ABCA3: variants seen among roughly 807,000 people sequenced by gnomAD.
ABCA3 encodes ATP binding cassette subfamily A member 3.
ABCA3 carries 88 observed loss-of-function variants against 172.8 expected under a neutral mutation model. That is an observed-to-expected ratio of 0.51 (90% CI 0.43 to 0.61). ABCA3 has a LOEUF of 0.61. ABCA3 is among the 20% of genes least tolerant of loss of function. The probability of loss-of-function intolerance (pLI) is 0.00; values close to 1 mark genes in which losing one functional copy is unlikely to be tolerated. For synonymous variants in ABCA3, 1,066 were observed against 983.8 expected (o/e 1.08, Z -1.56); for missense variants, 2,164 against 2,301.0 (o/e 0.94, Z 1.22).
rs756227718 is a variant in ABCA3, at chr16:2,304,175, C to T, written c.1286-25G>A. On this transcript the variant is annotated intron_variant, in intron 11 of 32. Transcript: ENST00000301732. ...CCTGGAAGACACATCAGGAAAGTGGCCCGAAAGCCAGCAGGCTGGGGGGCC... is the reference window on the plus strand; with the variant it reads ...CCTGGAAGACACATCAGGAAAGTGGTCCGAAAGCCAGCAGGCTGGGGGGCC... The T allele has an allele frequency of 8.7e-6, 14 of 1,613,840 alleles. No individual in the cohort carries two copies. The African/African-American group carries it at 1.7e-4, about 20-fold the overall frequency.
At position 2,279,638 on chromosome 16, in the gene ABCA3, C is replaced by T. The variant is rs1304985365; in HGVS notation, c.4360-508G>A. Among the ~76,000 whole-genome samples, 1 of 152,214 alleles carries T rather than the reference C, an allele frequency of 6.6e-6. No individual in the cohort carries two copies. Among genetic ancestry groups the T allele is most frequent in the Non-Finnish European group, 1.5e-5 (1 of 68,038 alleles). ...GTGCCTGCTGCCATCTGCTTAGCTA[C>T]CTTCAGCAGCTGGTCGGGGGCAGGA... is the stretch of plus-strand genomic sequence containing the variant. On this transcript the variant is annotated intron_variant, in intron 28 of 32. Transcript: ENST00000301732. This position sits in a 1 kb window ranked among gnomAD's most constrained non-coding sequence, Gnocchi z 4.4.
At chr16:2,332,172 G>A in intron 1 of ABCA3, 1 of 344,480 alleles carries the variant, frequency 2.9e-6, no homozygotes. Flanking sequence ...AACAAGCGCT[G>A]TGGCTCTTCA....
At chr16:2,323,465 T>A in intron 7 of ABCA3, 58 bp downstream of exon 7, 1 of 1,607,344 alleles carries the variant, frequency 6.2e-7, no homozygotes, top group Non-Finnish European at 8.5e-7. Flanking sequence ...TGCCCCCATA[T>A]GACTGTCACT....
chr16:2,282,172 G>A (rs1016909155), intron 26 of ABCA3, among the ~76,000 whole-genome samples: 4 of 152,160 alleles, frequency 2.6e-5, no homozygotes, highest in Admixed American at 2.6e-4. Flanking sequence ...GTAATCATAG[G>A]TCACTGCAGC....
At chr16:2,304,213 G>T in intron 11 of ABCA3, 63 bp from the exon 12 acceptor site, 1 of 1,572,938 alleles carries the variant, frequency 6.4e-7, no homozygotes, top group South Asian at 1.1e-5. Flanking sequence ...GGGACCCGAA[G>T]CCCCTGATGG....
At chr16:2,298,586 C>T (rs777882486) in intron 14 of ABCA3, 46 bp from the exon 15 acceptor site, 71 of 1,605,314 alleles carry the variant, frequency 4.4e-5, no homozygotes, top group Non-Finnish European at 3.6e-5. Context: ...AGATCCTGCT[C>T]GTCAGCACCC....
chr16:2,327,907 G>C (rs1347688683), intron 3 of ABCA3, among the ~76,000 whole-genome samples: 1 of 152,094 alleles, frequency 6.6e-6, no homozygotes, highest in Non-Finnish European at 1.5e-5. Context: ...TTTTAGTAGA[G>C]ATGGGGTTTC....
At position 2,278,554 on chromosome 16, in the gene ABCA3, A is replaced by G. The variant is rs1432730514; in HGVS notation, c.4548-96T>C. 9 of 1,483,690 alleles carry G rather than the reference A, an allele frequency of 6.1e-6. No homozygotes were observed. The highest frequency in any genetic ancestry group is 8.3e-6 in the Non-Finnish European group (9 of 1,084,006). 91.9% of individuals were successfully genotyped at this position (1,483,690 alleles called of 1,614,324 possible). On this transcript the variant is annotated intron_variant, in intron 29 of 32. Coordinates refer to ENST00000301732, the MANE Select transcript of ABCA3 (RefSeq NM_001089.3). The surrounding 1 kb of genome is among the most constrained non-coding windows in gnomAD (Gnocchi z 4.4). ...GGCCCGTGTCCCAGCAGCGGCCCAC[A>G]CCCAGCAATTGCAGAACAGCCCTAG...
rs1379116228 is a variant in ABCA3 at position 2,281,672 on chromosome 16, T to C, written c.4036-163A>G. Among the ~76,000 whole-genome samples, 1 of 152,020 alleles carries C rather than the reference T, an allele frequency of 6.6e-6. No individual in the cohort carries two copies. The highest frequency in any genetic ancestry group is 2.4e-5 in the African/African-American group (1 of 41,378). Reference sequence around the variant, plus strand: ...CACAGGTGCGACTCAGACCTTTTACTAGAAGACACAGTGGTCTTACGGGGC... The same window carrying C: ...CACAGGTGCGACTCAGACCTTTTACCAGAAGACACAGTGGTCTTACGGGGC... On this transcript the variant is annotated intron_variant, in intron 26 of 32. Coordinates refer to ENST00000301732, the MANE Select transcript of ABCA3 (RefSeq NM_001089.3). The surrounding 1 kb of genome is among the most constrained non-coding windows in gnomAD (Gnocchi z 4.7).
chr16:2,306,745 G>A (rs1203074066), intron 11 of ABCA3, among the ~76,000 whole-genome samples: 1 of 152,160 alleles, frequency 6.6e-6, no homozygotes, highest in Non-Finnish European at 1.5e-5. Flanking sequence ...AAAAAAGTGG[G>A]CGGCTCACGC....
intron 9 of ABCA3, 45 bp downstream of exon 9, chr16:2,317,603 T>G: frequency 6.2e-7 from 1 of 1,607,344 alleles, no homozygotes; most frequent in Non-Finnish European, 8.5e-7. Context: ...TGGGGTGCCC[T>G]GGCTCTCCCC....
Position 2,323,608 on chromosome 16 carries a change from T to C in ABCA3, c.528A>G (p.Thr176=). The C allele has an allele frequency of 6.2e-7, 1 of 1,614,192 alleles. No individual in the cohort carries two copies. Among genetic ancestry groups the C allele is most frequent in the South Asian group, 1.1e-5 (1 of 91,082 alleles). Residue 176 remains threonine, a synonymous_variant, in exon 7 of 33, where the codon ACA becomes ACG. Coordinates refer to ENST00000301732, the MANE Select transcript of ABCA3 (RefSeq NM_001089.3). ...TQTGSFFLKE[T]EGWHTTSLFP... ...AAAGGGAAGTAGTGTGCCAGCCTTC[T>C]GTCTCTTTCAGGAAAAAGGAGCCTG...
intron 17 of ABCA3, among the ~76,000 whole-genome samples, chr16:2,296,953 C>T (rs990388103): frequency 9.2e-5 from 14 of 152,332 alleles, no homozygotes; most frequent in African/African-American, 3.1e-4. Flanking sequence ...AGTCAGAGGT[C>T]TGGGCCCAGA....
chr16:2,298,782 A>G (rs995972866), intron 14 of ABCA3, among the ~76,000 whole-genome samples: 11 of 152,006 alleles, frequency 7.2e-5, no homozygotes, highest in South Asian at 2.1e-4. Context: ...AACCCACGAC[A>G]CACACACACA....
intron 10 of ABCA3, among the ~76,000 whole-genome samples, chr16:2,315,666 A>AT (rs756999685): frequency 1.3e-5 from 2 of 151,356 alleles, no homozygotes; most frequent in Middle Eastern, 3.2e-3. Context: ...ACTGCTTATG[A>AT]TTTTTTTTCT....
At position 2,276,516 on chromosome 16, in the gene ABCA3, A is replaced by G; in HGVS notation, c.*158T>C. On this transcript the variant is annotated 3_prime_UTR_variant, in exon 33 of 33. Coordinates refer to ENST00000301732, the MANE Select transcript of ABCA3 (RefSeq NM_001089.3). ...ATCCTGGGCATGAGGGCTGGGCTGC[A>G]CTCGTCCATTCTGTGCATACTGCCT... 2.4e-6 allele frequency: 3 copies of G among 1,228,790 alleles called. No individual in the cohort carries two copies. Among genetic ancestry groups the G allele is most frequent in the Non-Finnish European group, 3.4e-6 (3 of 882,810 alleles). The allele number at this position is 1,228,790 out of a possible 1,614,324, so 76.1% of individuals were successfully genotyped here.
chr16:2,277,637 A>G lies in ABCA3; in HGVS notation c.4943T>C (p.Val1648Ala). 6.2e-7 allele frequency: 1 copy of G among 1,613,110 alleles called. No homozygotes were observed. The highest frequency in any genetic ancestry group is 8.5e-7 in the Non-Finnish European group (1 of 1,180,006). ...SVLEDEHQGM[V>A]HYHLPGRDLS... ...GTCACGGCCCGGCAGGTGGTAATGG[A>G]CCATGCCTTGGTGCTCATCTTCCAG... Residue 1648 changes from valine to alanine, a missense_variant, in exon 32 of 33, where the codon GTC becomes GCC. Physicochemically the swap from Val to Ala is moderately conservative, Grantham distance 64. Coordinates refer to ENST00000301732, the MANE Select transcript of ABCA3 (RefSeq NM_001089.3). This position sits in a 1 kb window ranked among gnomAD's most constrained non-coding sequence, Gnocchi z 5.3.
chr16:2,308,487 T>G lies in ABCA3; in HGVS notation c.1248A>C (p.Ala416=), dbSNP rs545502913. 3 of 1,614,222 alleles carry G rather than the reference T, an allele frequency of 1.9e-6. No individual in the cohort carries two copies. The East Asian group carries it at 6.7e-5, about 36-fold the overall frequency. Residue 416 remains alanine (A), a synonymous_variant, in exon 11 of 33, where the codon GCA becomes GCC. Coordinates refer to ENST00000301732, the MANE Select transcript of ABCA3 (RefSeq NM_001089.3). ...CSCLLSNVAM[A]MGAQLIGKFE... ...ATTTCCCAATGAGCTGGGCTCCCAT[T>G]GCCATGGCGACATTAGACAGGAGGC...
intron 5 of ABCA3, among the ~76,000 whole-genome samples, chr16:2,325,349 G>C (rs2093732596): frequency 6.6e-6 from 1 of 152,096 alleles, no homozygotes; most frequent in Non-Finnish European, 1.5e-5. Context: ...TACTGCTAAG[G>C]CTGCTGCACC....
Sources: gnomAD v4.1 joint callset for allele counts (sites outside exome capture counted in the v4.1 genomes callset) on GRCh38, gnomAD v4.1.1 for gene constraint, Gnocchi (gnomAD v3.1) non-coding constraint, MANE v1.5 for transcripts, NCBI Gene and HGNC (gene_info 2026-07-23, HGNC 2026-07-21) for gene names.